The following PDLIM5 variants were observed in gnomAD, a reference collection of about 807,000 sequenced individuals.
PDLIM5 encodes PDZ and LIM domain 5, also known as PDZ and LIM domain protein 5.
PDLIM5 carries 34 observed loss-of-function variants against 64.2 expected under a neutral mutation model. The observed-to-expected ratio is 0.53, with a 90% CI of 0.40 to 0.71. PDLIM5 has a LOEUF of 0.71. PDLIM5 is among the 30% of genes least tolerant of loss of function. The probability of loss-of-function intolerance (pLI) is 0.00; values close to 1 mark genes in which losing one functional copy is unlikely to be tolerated. For synonymous variants in PDLIM5, 253 were observed against 269.1 expected, an observed-to-expected ratio of 0.94 and a Z score of 0.59; for missense variants, 683 against 733.6, an observed-to-expected ratio of 0.93 and a Z score of 0.80.
chr4:94,478,890 GTTT>G (rs67013211), intron 2 of PDLIM5, among the ~76,000 whole-genome samples: 13 of 94,082 alleles, frequency 1.4e-4, no homozygotes, highest in African/African-American at 4.5e-4. Context: ...TGTGCTTGGT[GTTT>G]TTTTTTTTTT....
chr4:94,590,703 G>A (rs1006266973), intron 7 of PDLIM5, among the ~76,000 whole-genome samples: 14 of 152,168 alleles, frequency 9.2e-5, no homozygotes, highest in Admixed American at 6.5e-5. Context: ...GTGGAAAGGA[G>A]CATGGCAAGA....
chr4:94,606,703 G>C (rs1448800128), intron 7 of PDLIM5, among the ~76,000 whole-genome samples: 2 of 152,120 alleles, frequency 1.3e-5, no homozygotes, highest in East Asian at 3.9e-4. Context: ...TATTTTCTAG[G>C]ACAGGGGTCA....
chr4:94,485,504 G>A (rs189348477), intron 2 of PDLIM5, among the ~76,000 whole-genome samples: 9 of 152,244 alleles, frequency 5.9e-5, no homozygotes, highest in Admixed American at 2.6e-4. Context: ...TGAGTGAACC[G>A]CATGGAGTTC....
intron 2 of PDLIM5, among the ~76,000 whole-genome samples, chr4:94,521,757 A>T (rs190302482): frequency 1.3e-5 from 2 of 152,168 alleles, no homozygotes; most frequent in Non-Finnish European, 2.9e-5. Flanking sequence ...GGGTACACTT[A>T]GAACAAATGC....
intron 3 of PDLIM5, among the ~76,000 whole-genome samples, chr4:94,566,746 C>CT (rs1192550752): frequency 6.6e-6 from 1 of 152,170 alleles, no homozygotes; most frequent in Non-Finnish European, 1.5e-5. Context: ...CTTTAGGGCT[C>CT]TAAGCTTTTC....
intron 2 of PDLIM5, among the ~76,000 whole-genome samples, chr4:94,496,895 A>G (rs1322455318): frequency 6.6e-6 from 1 of 152,236 alleles, no homozygotes; most frequent in African/African-American, 2.4e-5. Context: ...CAGCCTGTAC[A>G]TTGAAGTAGT....
intron 3 of PDLIM5, among the ~76,000 whole-genome samples, chr4:94,525,607 A>G (rs1019685955): frequency 6.6e-6 from 1 of 152,234 alleles, no homozygotes; most frequent in Non-Finnish European, 1.5e-5. Context: ...GGATTTCTAT[A>G]GGATAAATTA....
At chr4:94,510,360 G>GT (rs921435903) in intron 2 of PDLIM5, among the ~76,000 whole-genome samples, 1 of 151,910 alleles carries the variant, frequency 6.6e-6, no homozygotes, top group Admixed American at 6.6e-5. Context: ...TGCACACCAT[G>GT]TTTTTTTCCA....
intron 3 of PDLIM5, among the ~76,000 whole-genome samples, chr4:94,547,836 T>C (rs946114342): frequency 2.6e-5 from 4 of 152,200 alleles, no homozygotes; most frequent in Non-Finnish European, 5.9e-5. Flanking sequence ...TAGTACTTTA[T>C]GCAGGTGACT....
At chr4:94,512,591 T>C (rs951101711) in intron 2 of PDLIM5, among the ~76,000 whole-genome samples, 5 of 148,240 alleles carry the variant, frequency 3.4e-5, no homozygotes, top group African/African-American at 1.3e-4. Flanking sequence ...TATTCAAATC[T>C]TTTGCCAATT....
At chr4:94,456,700 A>G (rs935524272) in intron 2 of PDLIM5, 5 of 1,340,832 alleles carry the variant, frequency 3.7e-6, no homozygotes, top group Admixed American at 3.4e-5. Flanking sequence ...AATACCAAAT[A>G]TAAGTACATA....
intron 7 of PDLIM5, among the ~76,000 whole-genome samples, chr4:94,612,255 T>A (rs555889506): frequency 3.9e-5 from 6 of 152,032 alleles, no homozygotes; most frequent in East Asian, 3.9e-4. Context: ...AAACAAAAAA[T>A]ATATATATAT....
intron 5 of PDLIM5, chr4:94,577,302 G>T (rs1207650290): frequency 1.3e-5 from 6 of 456,414 alleles, no homozygotes; most frequent in Non-Finnish European, 2.6e-5. Flanking sequence ...TAATGAAGAG[G>T]CTGTGCTTTC....
At chr4:94,506,307 C>T (rs776960850) in intron 2 of PDLIM5, among the ~76,000 whole-genome samples, 2 of 152,136 alleles carry the variant, frequency 1.3e-5, no homozygotes, top group South Asian at 2.1e-4. Context: ...CTGAATTGCA[C>T]GTAATGTTCT....
intron 3 of PDLIM5, among the ~76,000 whole-genome samples, chr4:94,543,283 G>T (rs1230285979): frequency 6.7e-6 from 1 of 149,240 alleles, no homozygotes; most frequent in Admixed American, 6.7e-5. Flanking sequence ...ACTGTTGTCA[G>T]TTTTTTTTTT....
chr4:94,644,540 T>A (rs1398887580), intron 9 of PDLIM5, among the ~76,000 whole-genome samples: 2 of 152,048 alleles, frequency 1.3e-5, no homozygotes, highest in Admixed American at 6.6e-5. Flanking sequence ...TTTTTTTTTT[T>A]TTTGAGATGG....
chr4:94,523,038 A>G (rs1729967850), intron 2 of PDLIM5, among the ~76,000 whole-genome samples: 1 of 152,248 alleles, frequency 6.6e-6, no homozygotes. Context: ...CAGACTAAAT[A>G]ATGTAAACAC....
chr4:94,523,698 C>G, intron 2 of PDLIM5, 26 bp from the exon 3 acceptor site: 3 of 1,587,370 alleles, frequency 1.9e-6, no homozygotes, highest in Non-Finnish European at 1.7e-6. Context: ...AAGAGTGACA[C>G]TCCTAATGAA....
intron 1 of PDLIM5, among the ~76,000 whole-genome samples, chr4:94,453,528 C>T (rs1284713140): frequency 6.6e-6 from 1 of 152,126 alleles, no homozygotes; most frequent in Non-Finnish European, 1.5e-5. Context: ...AATACATTTT[C>T]TTGTAGGGAA....
Sources: allele counts gnomAD v4.1 joint callset (sites outside exome capture counted in the v4.1 genomes callset), GRCh38; gene constraint gnomAD v4.1.1; transcripts MANE v1.5; gene names NCBI Gene and HGNC (gene_info 2026-07-23, HGNC 2026-07-21).